Variants in ITCH observed in about 807,000 individuals in gnomAD.
The protein encoded by ITCH is E3 ubiquitin-protein ligase Itchy homolog.
In ITCH, 28 loss-of-function variants were observed where a neutral mutation model predicts 126.8. That is an observed-to-expected ratio of 0.22 (90% confidence interval 0.16 to 0.30). The LOEUF is 0.30. Among genes scored for constraint, ITCH ranks in the 10% least tolerant of loss-of-function variants. The pLI is 1.00. For synonymous variants in ITCH, 342 were observed against 340.0 expected (o/e 1.01, Z -0.06); for missense variants, 631 against 1,032.4 (o/e 0.61, Z 5.33).
chr20:34,478,434 G>C (rs1988428918), intron 17 of ITCH, among the ~76,000 whole-genome samples: 1 of 152,198 alleles, frequency 6.6e-6, no homozygotes, highest in South Asian at 2.1e-4. Context: ...CTAGAAGATA[G>C]TCTCTAATGA....
intron 7 of ITCH, 26 bp from the exon 8 acceptor site, chr20:34,438,448 C>G (rs376422576): frequency 8.7e-6 from 14 of 1,612,556 alleles, no homozygotes; most frequent in African/African-American, 2.7e-5. Flanking sequence ...CCCTCTCCCC[C>G]TTCCTTTTCC....
At chr20:34,427,421 A>G (rs976668194) in intron 7 of ITCH, among the ~76,000 whole-genome samples, 1 of 152,144 alleles carries the variant, frequency 6.6e-6, no homozygotes, top group African/African-American at 2.4e-5. Context: ...CCTCATCTCT[A>G]CAGAAAACAA....
chr20:34,480,501 C>A, intron 18 of ITCH, 98 bp from the exon 19 acceptor site: 1 of 1,433,148 alleles, frequency 7.0e-7, no homozygotes, highest in African/African-American at 1.4e-5. Flanking sequence ...CATGCCTGAC[C>A]CAGGGAAGTG....
intron 6 of ITCH, among the ~76,000 whole-genome samples, chr20:34,423,075 G>T (rs1019847094): frequency 1.3e-5 from 2 of 152,170 alleles, no homozygotes; most frequent in Admixed American, 6.5e-5. Flanking sequence ...GATTACAGGT[G>T]TGAGCCACCA....
chr20:34,391,154 T>C (rs2038476718), intron 2 of ITCH, among the ~76,000 whole-genome samples: 1 of 152,228 alleles, frequency 6.6e-6, no homozygotes, highest in East Asian at 1.9e-4. Context: ...TTATCTATTT[T>C]TTTCTACTCT....
At chr20:34,375,630 A>G (rs1286924791) in intron 2 of ITCH, among the ~76,000 whole-genome samples, 3 of 151,062 alleles carry the variant, frequency 2.0e-5, no homozygotes, top group Non-Finnish European at 2.9e-5. Context: ...TTTTTTGTCA[A>G]TTAAAATAAT....
At chr20:34,364,423 A>G (rs2037329374) in intron 1 of ITCH, among the ~76,000 whole-genome samples, 1 of 152,036 alleles carries the variant, frequency 6.6e-6, no homozygotes, top group Non-Finnish European at 1.5e-5. Flanking sequence ...TCTTTTCCTG[A>G]TAGAATTCGA....
At chr20:34,490,548 CAGG>C (rs1406502686) in intron 22 of ITCH, among the ~76,000 whole-genome samples, 3 of 152,134 alleles carry the variant, frequency 2.0e-5, no homozygotes, top group African/African-American at 7.2e-5. Flanking sequence ...GAGGCTGAGG[CAGG>C]AGAATCACTT....
At chr20:34,397,454 A>G (rs1380414672) in intron 3 of ITCH, among the ~76,000 whole-genome samples, 15 of 152,222 alleles carry the variant, frequency 9.9e-5, no homozygotes, top group Admixed American at 9.8e-4. Context: ...TTTATTGATT[A>G]TAGAACAATT....
chr20:34,421,571 G>T (rs1429997196), intron 6 of ITCH, among the ~76,000 whole-genome samples: 1 of 151,756 alleles, frequency 6.6e-6, no homozygotes, highest in African/African-American at 2.4e-5. Flanking sequence ...CTTCTTGGAC[G>T]TTCATTGTAT....
chr20:34,411,578 T>G (rs112652735), intron 4 of ITCH, among the ~76,000 whole-genome samples: 4 of 152,288 alleles, frequency 2.6e-5, no homozygotes, highest in African/African-American at 9.6e-5. Context: ...TTTAGTTTGT[T>G]TTATCTACCC....
At chr20:34,471,285 T>C (rs1217526676) in intron 15 of ITCH, among the ~76,000 whole-genome samples, 159 bp from the exon 16 acceptor site, 1 of 152,188 alleles carries the variant, frequency 6.6e-6, no homozygotes, top group Non-Finnish European at 1.5e-5. Flanking sequence ...GCATGAATAC[T>C]CACAGATGCA....
At chr20:34,460,597 A>G (rs1007123610) in intron 13 of ITCH, among the ~76,000 whole-genome samples, 3 of 152,092 alleles carry the variant, frequency 2.0e-5, no homozygotes, top group African/African-American at 7.2e-5. Flanking sequence ...CTAGTCTCAT[A>G]GACATTGTTG....
intron 2 of ITCH, among the ~76,000 whole-genome samples, chr20:34,386,625 T>G (rs981137751): frequency 6.6e-6 from 1 of 152,186 alleles, no homozygotes; most frequent in Non-Finnish European, 1.5e-5. Flanking sequence ...GTGGATTCTT[T>G]TAAGAAAATA....
At position 34,509,599 on chromosome 20, in the gene ITCH, C is replaced by G. The variant is rs1484601585; in HGVS notation, c.*1805C>G. On this transcript the variant is annotated 3_prime_UTR_variant, in exon 25 of 25. Transcript: ENST00000374864. Reference sequence around the variant, plus strand: ...TGTAAATGGGGAGGCTAGGCTCTCCCCAGCCCTATGGTTTTTTTATTTCAT... The same window carrying G: ...TGTAAATGGGGAGGCTAGGCTCTCCGCAGCCCTATGGTTTTTTTATTTCAT... 1 of 152,572 alleles carries G rather than the reference C, an allele frequency of 6.6e-6. No homozygotes were observed. Among genetic ancestry groups the G allele is most frequent in the Non-Finnish European group, 1.5e-5 (1 of 68,030 alleles). The allele number at this position is 152,572 out of a possible 1,614,324, so 9.5% of individuals were successfully genotyped here.
At chr20:34,394,866 G>A (rs1272086286) in intron 3 of ITCH, among the ~76,000 whole-genome samples, 2 of 152,036 alleles carry the variant, frequency 1.3e-5, no homozygotes, top group African/African-American at 2.4e-5. Context: ...AATGGCCTGG[G>A]ACAAAGTCTG....
intron 13 of ITCH, among the ~76,000 whole-genome samples, chr20:34,461,433 G>GGCCA (rs1457770823): frequency 6.6e-6 from 1 of 152,104 alleles, no homozygotes; most frequent in African/African-American, 2.4e-5. Context: ...GAAGATGGCT[G>GGCCA]GGCGCAGTGG....
intron 3 of ITCH, among the ~76,000 whole-genome samples, chr20:34,407,947 A>G (rs1176330696): frequency 5.9e-5 from 9 of 152,216 alleles, no homozygotes; most frequent in African/African-American, 1.9e-4. Context: ...TTTGTTGACC[A>G]TGTTTGTCAA....
At chr20:34,501,635 CGT>C (rs1252318601) in intron 23 of ITCH, among the ~76,000 whole-genome samples, 1 of 151,952 alleles carries the variant, frequency 6.6e-6, no homozygotes, top group East Asian at 1.9e-4. Context: ...ATTAGCCAGG[CGT>C]GGTGGCACAT....
Sources: allele counts gnomAD v4.1 joint callset (sites outside exome capture counted in the v4.1 genomes callset), GRCh38; gene constraint gnomAD v4.1.1; transcripts MANE v1.5; gene names NCBI Gene and HGNC (gene_info 2026-07-23, HGNC 2026-07-21).